Variants in EVA1C observed in about 807,000 individuals in gnomAD.
EVA1C encodes the protein eva-1 homolog C.
Under a neutral mutation model 45.4 loss-of-function variants are expected in EVA1C, and 25 were observed. The ratio of observed to expected loss-of-function variants is 0.55; its 90% confidence interval spans 0.40 to 0.77. The LOEUF (loss-of-function observed/expected upper bound fraction) is 0.77, where lower values mean the gene tolerates loss of function less well. Among genes scored for constraint, EVA1C ranks in the 30% least tolerant of loss-of-function variants. The pLI, the probability that EVA1C is intolerant of heterozygous loss-of-function variation, is 0.00. For synonymous variants in EVA1C, 190 were observed against 221.2 expected, an observed-to-expected ratio of 0.86 and a Z score of 1.25; for missense variants, 479 against 554.8, an observed-to-expected ratio of 0.86 and a Z score of 1.37.
Position 32,412,722 on chromosome 21 carries a change from C to T in EVA1C, c.-132C>T. ...CGCGCAGGGGAGGAGGCTCTGGCAG[C>T]CTGGGCAGGGAGGCGGCGGGGGGCC... On this transcript the variant is annotated 5_prime_UTR_variant, in exon 1 of 8. Transcript: ENST00000300255. The T allele has an allele frequency of 1.0e-6, 1 of 969,910 alleles. No individual in the cohort carries two copies. Among genetic ancestry groups the T allele is most frequent in the Non-Finnish European group, 1.4e-6 (1 of 726,202 alleles). 60.1% of individuals were successfully genotyped at this position (969,910 alleles called of 1,614,324 possible).
intron 4 of EVA1C, among the ~76,000 whole-genome samples, chr21:32,469,982 A>G (rs202109791): frequency 6.6e-6 from 1 of 152,154 alleles, no homozygotes; most frequent in East Asian, 1.9e-4. Flanking sequence ...GAAATTAACC[A>G]TCACACTCCA....
At chr21:32,486,949 A>T (rs1039545258) in intron 4 of EVA1C, among the ~76,000 whole-genome samples, 3 of 152,212 alleles carry the variant, frequency 2.0e-5, no homozygotes, top group Non-Finnish European at 4.4e-5. Flanking sequence ...AGGTATTGTA[A>T]TATAATAAGA....
intron 4 of EVA1C, among the ~76,000 whole-genome samples, chr21:32,484,476 G>A (rs1291169018): frequency 4.6e-5 from 7 of 151,794 alleles, no homozygotes; most frequent in South Asian, 2.1e-4. Flanking sequence ...CCCAGGAGGC[G>A]GAGGTTGCAG....
At chr21:32,500,972 C>T (rs573632700) in intron 5 of EVA1C, among the ~76,000 whole-genome samples, 2 of 152,246 alleles carry the variant, frequency 1.3e-5, no homozygotes, top group Admixed American at 6.5e-5. Flanking sequence ...TGCCACCATG[C>T]CCAGCTAACT....
chr21:32,453,248 C>T (rs1371075445), intron 1 of EVA1C, 64 bp from the exon 2 acceptor site: 35 of 1,265,402 alleles, frequency 2.8e-5, no homozygotes, highest in Non-Finnish European at 3.8e-5. Context: ...GTCCTCCTGT[C>T]CCCAAACCCA....
intron 4 of EVA1C, among the ~76,000 whole-genome samples, chr21:32,482,616 G>A (rs1166580812): frequency 6.6e-6 from 1 of 152,164 alleles, no homozygotes; most frequent in Non-Finnish European, 1.5e-5. Flanking sequence ...AATATTTATT[G>A]AGTCGGACAC....
At chr21:32,493,043 G>A (rs1339005090) in intron 4 of EVA1C, among the ~76,000 whole-genome samples, 1 of 152,108 alleles carries the variant, frequency 6.6e-6, no homozygotes, top group South Asian at 2.1e-4. Context: ...TATTTATTGG[G>A]CTCCTACAGT....
rs1429025695 is a variant in EVA1C at position 32,457,612 on chromosome 21, T to G, written c.373T>G (p.Cys125Gly). Residue 125 changes from cysteine (C) to glycine (G), a missense_variant, in exon 3 of 8, where the codon TGC becomes GGC. By Grantham distance (159) the Cys-to-Gly change is radical. Transcript: ENST00000300255. ...CTCCTTCTAGAAGGTGCTGGACGAA[T>G]GCCAGAACCAGCGGGCCTGCCACCT... Reference protein sequence around the residue: ...ATTFQKVLDECQNQRACHLLV... With the variant: ...ATTFQKVLDEGQNQRACHLLV... 6.2e-7 allele frequency: 1 copy of G among 1,614,072 alleles called. No individual in the cohort carries two copies. Among genetic ancestry groups the G allele is most frequent in the African/African-American group, 1.3e-5 (1 of 74,928 alleles).
intron 2 of EVA1C, among the ~76,000 whole-genome samples, chr21:32,454,225 T>A (rs1449164361): frequency 6.6e-6 from 1 of 152,042 alleles, no homozygotes; most frequent in African/African-American, 2.4e-5. Context: ...CGAGACTCCA[T>A]CTCAAAAAAA....
intron 4 of EVA1C, among the ~76,000 whole-genome samples, chr21:32,493,317 TAAA>T (rs1477052090): frequency 3.9e-5 from 6 of 152,218 alleles, no homozygotes; most frequent in Admixed American, 2.6e-4. Flanking sequence ...CACTGTCCCC[TAAA>T]GACAATAGTG....
chr21:32,496,635 A>G (rs537023221), intron 5 of EVA1C, among the ~76,000 whole-genome samples: 1 of 152,346 alleles, frequency 6.6e-6, no homozygotes, highest in Non-Finnish European at 1.5e-5. Context: ...CCTCTGGTAG[A>G]ATGGAGGACG....
At chr21:32,426,380 T>C (rs1242710285) in intron 1 of EVA1C, among the ~76,000 whole-genome samples, 3 of 152,160 alleles carry the variant, frequency 2.0e-5, no homozygotes, top group Admixed American at 1.3e-4. Context: ...ATAATTTGAT[T>C]TGAACATGAA....
In EVA1C at chr21:32,495,166, A is replaced by C; in HGVS notation, c.774A>C (p.Ala258=). The change falls in exon 5 of 8, where the codon GCA becomes GCC. Residue 258 remains alanine (A), a synonymous_variant. Transcript: ENST00000300255. ...AAAAATACCTCACTGTGACCTACGC[A>C]TGTGGTAAGAACACACCCCCGACCA... ...GVKKYLTVTY[A]CVPKNILTAI... is the part of the protein sequence containing the mutation. The C allele has an allele frequency of 1.9e-6, 3 of 1,614,002 alleles. No homozygotes were observed. Among genetic ancestry groups the C allele is most frequent in the Non-Finnish European group, 2.5e-6 (3 of 1,179,982 alleles).
intron 2 of EVA1C, among the ~76,000 whole-genome samples, 153 bp from the exon 3 acceptor site, chr21:32,457,444 A>G (rs890003311): frequency 6.6e-6 from 1 of 152,136 alleles, no homozygotes; most frequent in African/African-American, 2.4e-5. Context: ...AGCTAACCCA[A>G]TCACCCACGT....
At chr21:32,505,886 C>G (rs556792732) in intron 7 of EVA1C, among the ~76,000 whole-genome samples, 1 of 152,236 alleles carries the variant, frequency 6.6e-6, no homozygotes, top group African/African-American at 2.4e-5. Context: ...CAATTCAGTC[C>G]ATAGCAACAA....
At position 32,467,823 on chromosome 21, in the gene EVA1C, C is replaced by T. The variant is rs527531122; in HGVS notation, c.609C>T (p.Ser203=). The T allele has an allele frequency of 5.0e-5, 80 of 1,611,314 alleles. 1 individual carries two copies. The highest frequency in any genetic ancestry group is 8.5e-6 in the Non-Finnish European group (10 of 1,178,952). ...RRTQERDICS[S]KAERLPPFDC... ...CCCAGGAAAGGGACATCTGCTCCTC[C>T]AAGGCAGAGCGGCTCCCCCCTTTCG... Residue 203 remains serine (S), a synonymous_variant, in exon 4 of 8, where the codon TCC becomes TCT. Coordinates refer to ENST00000300255, the MANE Select transcript of EVA1C (RefSeq NM_058187.5).
intron 1 of EVA1C, among the ~76,000 whole-genome samples, chr21:32,449,962 G>A (rs2035518454): frequency 6.6e-6 from 1 of 152,098 alleles, no homozygotes; most frequent in African/African-American, 2.4e-5. Flanking sequence ...CTGAGTGTAG[G>A]GCAGGTTGTA....
chr21:32,499,398 G>C (rs2037456249), intron 5 of EVA1C, among the ~76,000 whole-genome samples: 1 of 152,200 alleles, frequency 6.6e-6, no homozygotes, highest in Admixed American at 6.5e-5. Flanking sequence ...GGACAGCCAA[G>C]GGACATTCCT....
chr21:32,477,012 T>C (rs969702956), intron 4 of EVA1C, among the ~76,000 whole-genome samples: 1 of 152,066 alleles, frequency 6.6e-6, no homozygotes, highest in Non-Finnish European at 1.5e-5. Context: ...TGAACAGAGC[T>C]TCCCAACCGC....
Sources: allele counts gnomAD v4.1 joint callset (sites outside exome capture counted in the v4.1 genomes callset), GRCh38; gene constraint gnomAD v4.1.1; transcripts MANE v1.5; gene names NCBI Gene and HGNC (gene_info 2026-07-23, HGNC 2026-07-21).